Variants in ALPK2 observed in about 807,000 individuals in gnomAD.
ALPK2 encodes alpha kinase 2.
Under a neutral mutation model 163.1 loss-of-function variants are expected in ALPK2, and 127 were observed. The observed-to-expected ratio is 0.78, with a 90% CI of 0.67 to 0.90. The LOEUF is 0.90. Among genes scored for constraint, ALPK2 ranks in the 40% least tolerant of loss-of-function variants. ALPK2 has a pLI of 0.00. For synonymous variants in ALPK2, 953 were observed against 959.1 expected (o/e 0.99, Z 0.12); for missense variants, 2,360 against 2,589.6 (o/e 0.91, Z 1.92).
chr18:58,515,129 A>G (rs1168016316), intron 9 of ALPK2, 48 bp from the exon 10 acceptor site: 3 of 1,417,478 alleles, frequency 2.1e-6, no homozygotes, highest in Non-Finnish European at 3.0e-6. Context: ...CAGGAAATTC[A>G]GACAGTATTG....
chr18:58,482,128 G>A (rs558172982), intron 12 of ALPK2, 89 bp from the exon 13 acceptor site: 3 of 906,504 alleles, frequency 3.3e-6, no homozygotes, highest in East Asian at 2.4e-5. Flanking sequence ...GAAAACTAAT[G>A]GTGCATGGAA....
intron 8 of ALPK2, among the ~76,000 whole-genome samples, chr18:58,518,721 T>C (rs868622489): frequency 8.5e-5 from 13 of 152,202 alleles, no homozygotes; most frequent in African/African-American, 3.1e-4. Flanking sequence ...CACCAGCCAT[T>C]AACAAGCATT....
chr18:58,499,384 C>T (rs2051419832), intron 11 of ALPK2, among the ~76,000 whole-genome samples: 1 of 152,136 alleles, frequency 6.6e-6, no homozygotes, highest in Non-Finnish European at 1.5e-5. Flanking sequence ...GCTGCCATCC[C>T]CTTCTGTAGT....
At chr18:58,546,206 A>G (rs11152081) in intron 4 of ALPK2, among the ~76,000 whole-genome samples, 98,367 of 152,038 alleles carry the variant, frequency 0.65, 32,127 homozygotes, top group Non-Finnish European at 0.68. Context: ...AAACACCCCT[A>G]TATCTGACCA....
intron 3 of ALPK2, among the ~76,000 whole-genome samples, chr18:58,597,390 C>CA (rs2052046439): frequency 6.6e-6 from 1 of 152,202 alleles, no homozygotes; most frequent in African/African-American, 2.4e-5. Flanking sequence ...TGAGTACCAG[C>CA]ACTGTTCAAA....
intron 3 of ALPK2, among the ~76,000 whole-genome samples, chr18:58,604,093 G>A (rs1164603242): frequency 2.0e-5 from 3 of 152,126 alleles, no homozygotes; most frequent in Admixed American, 6.5e-5. Flanking sequence ...ATAAATCGCA[G>A]GGCTCTTAGC....
intron 3 of ALPK2, among the ~76,000 whole-genome samples, chr18:58,596,373 C>G (rs1192058346): frequency 6.6e-6 from 1 of 152,214 alleles, no homozygotes; most frequent in Non-Finnish European, 1.5e-5. Context: ...TGAGCCGAGG[C>G]AGCCACTAGC....
chr18:58,589,454 G>A (rs1462761499), intron 3 of ALPK2, among the ~76,000 whole-genome samples: 2 of 152,100 alleles, frequency 1.3e-5, no homozygotes, highest in African/African-American at 4.8e-5. Flanking sequence ...GAACTAAGCA[G>A]GACAAGAATC....
chr18:58,580,135 C>A lies in ALPK2; in HGVS notation c.641G>T (p.Gly214Val), dbSNP rs772408581. ...DPSNTEEIAN[G>V]LLFLNSSHIY... Reference sequence around the variant, plus strand: ...ATGACTTGAATTAAGAAAAAGCAACCCATTTGCAATTTCTTCTGTGTTACT... The same window carrying A: ...ATGACTTGAATTAAGAAAAAGCAACACATTTGCAATTTCTTCTGTGTTACT... The change falls in exon 4 of 13, where the codon GGG becomes GTG. Residue 214 changes from glycine to valine, a missense_variant. Gly to Val is a moderately radical substitution (Grantham distance 109). Coordinates refer to ENST00000361673, the MANE Select transcript of ALPK2 (RefSeq NM_052947.4). 1.2e-6 allele frequency: 2 copies of A among 1,614,070 alleles called. No individual in the cohort carries two copies. Among genetic ancestry groups the A allele is most frequent in the East Asian group, 4.5e-5 (2 of 44,902 alleles).
rs1475031474 is a variant in ALPK2, at chr18:58,537,346, A to G, written c.2841T>C (p.Ser947=). 1.2e-6 allele frequency: 2 copies of G among 1,613,958 alleles called. No individual in the cohort carries two copies. The highest frequency in any genetic ancestry group is 2.2e-5 in the East Asian group (1 of 44,876). ...ATTGCACTAAAGGATTGTTCTCAGAAGAAAGGAGCTGTGTTTCATCAAGCC... is the reference window on the plus strand; with the variant it reads ...ATTGCACTAAAGGATTGTTCTCAGAGGAAAGGAGCTGTGTTTCATCAAGCC... ...SGGLDETQLL[S]SENNPLVQFK... is the part of the protein sequence containing the mutation. The change falls in exon 5 of 13, where the codon TCT becomes TCC. Residue 947 remains serine (S), a synonymous_variant. Transcript: ENST00000361673.
At chr18:58,576,809 C>T (rs536138283) in intron 4 of ALPK2, among the ~76,000 whole-genome samples, 1 of 152,336 alleles carries the variant, frequency 6.6e-6, no homozygotes, top group East Asian at 1.9e-4. Context: ...CTCCAGGCTG[C>T]ACGGAACTGC....
chr18:58,607,252 C>T, intron 3 of ALPK2, 70 bp downstream of exon 3: 1 of 1,142,402 alleles, frequency 8.8e-7, no homozygotes, highest in Non-Finnish European at 1.2e-6. Context: ...TTGGCCTTAC[C>T]TCATAGTAAT....
In ALPK2 at chr18:58,536,912, C is replaced by A; in HGVS notation, c.3275G>T (p.Gly1092Val). 1 of 1,614,192 alleles carries A rather than the reference C, an allele frequency of 6.2e-7. No individual in the cohort carries two copies. Among genetic ancestry groups the A allele is most frequent in the Non-Finnish European group, 8.5e-7 (1 of 1,180,026 alleles). ...VPHHVLQLPEGEGFCSNSPLQ... is the reference protein window; with the variant it reads ...VPHHVLQLPEVEGFCSNSPLQ... ...AGGGGAATTACTGCAGAAACCCTCT[C>A]CCTCTGGGAGCTGCAGGACATGGTG... Residue 1092 changes from glycine (G) to valine (V), a missense_variant, in exon 5 of 13, where the codon GGA (glycine) becomes GTA (valine). Physicochemically the swap from Gly to Val is moderately radical, Grantham distance 109. Coordinates refer to ENST00000361673, the MANE Select transcript of ALPK2 (RefSeq NM_052947.4).
chr18:58,592,236 T>C (rs2052018179), intron 3 of ALPK2, among the ~76,000 whole-genome samples: 1 of 151,554 alleles, frequency 6.6e-6, no homozygotes, highest in Non-Finnish European at 1.5e-5. Flanking sequence ...AAGAAATTAG[T>C]AGAAGACATG....
intron 3 of ALPK2, among the ~76,000 whole-genome samples, chr18:58,595,378 C>T (rs2052035966): frequency 1.3e-5 from 2 of 152,200 alleles, no homozygotes; most frequent in South Asian, 2.1e-4. Flanking sequence ...AGTAGGCCCT[C>T]CATGAATCCT....
intron 1 of ALPK2, among the ~76,000 whole-genome samples, chr18:58,625,874 A>T (rs1418122120): frequency 6.6e-6 from 1 of 152,200 alleles, no homozygotes; most frequent in Non-Finnish European, 1.5e-5. Flanking sequence ...TCTCCTGATC[A>T]GTTTTGTCTA....
chr18:58,498,144 C>G, intron 11 of ALPK2, 47 bp from the exon 12 acceptor site: 1 of 1,602,712 alleles, frequency 6.2e-7, no homozygotes, highest in Non-Finnish European at 8.5e-7. Flanking sequence ...ACTCAGGGCC[C>G]CTCAGGAAGT....
chr18:58,509,318 A>G (rs887374565), intron 10 of ALPK2, among the ~76,000 whole-genome samples: 2 of 152,018 alleles, frequency 1.3e-5, no homozygotes, highest in Non-Finnish European at 2.9e-5. Flanking sequence ...AGTCTTTGCT[A>G]TTGTGAATAG....
intron 4 of ALPK2, among the ~76,000 whole-genome samples, chr18:58,570,134 A>G (rs2051878411): frequency 1.3e-5 from 2 of 150,672 alleles, no homozygotes. Flanking sequence ...CGTCTCAAAA[A>G]AAAAAAAAAA....
Sources: allele counts gnomAD v4.1 joint callset (sites outside exome capture counted in the v4.1 genomes callset), GRCh38; gene constraint gnomAD v4.1.1; transcripts MANE v1.5; gene names NCBI Gene and HGNC (gene_info 2026-07-23, HGNC 2026-07-21).